Variants in NBAS observed in about 807,000 individuals in gnomAD.
The protein encoded by NBAS is NBAS subunit of NRZ tethering complex, also known as NAG/BC035112 fusion.
A neutral mutation model predicts 302.5 loss-of-function variants in NBAS; 219 were observed. That is an observed-to-expected ratio of 0.72 (90% confidence interval 0.65 to 0.81). The LOEUF (loss-of-function observed/expected upper bound fraction) is 0.81. NBAS is among the 30% of genes least tolerant of loss of function. The pLI, the probability that NBAS is intolerant of heterozygous loss-of-function variation, is 0.00. For synonymous variants in NBAS, 1,118 were observed against 1,021.6 expected, an observed-to-expected ratio of 1.09 and a Z score of -1.80; for missense variants, 2,932 against 2,841.6, an observed-to-expected ratio of 1.03 and a Z score of -0.72.
At chr2:14,866,730 A>T in the NBAS span, among the ~76,000 whole-genome samples, 1 of 152,230 alleles carries the variant, frequency 6.6e-6, no homozygotes, top group Non-Finnish European at 1.5e-5. Flanking sequence ...CATAAGAGAC[A>T]TCAGGATCTT....
At chr2:14,835,959 C>T in the NBAS span, among the ~76,000 whole-genome samples, 1 of 151,944 alleles carries the variant, frequency 6.6e-6, no homozygotes, top group Non-Finnish European at 1.5e-5. Context: ...GTTTCACAAC[C>T]TCACCAACAC....
the NBAS span, among the ~76,000 whole-genome samples, chr2:14,917,526 G>C: frequency 6.6e-6 from 1 of 152,196 alleles, no homozygotes; most frequent in Non-Finnish European, 1.5e-5. Context: ...CAAGTCAAAA[G>C]GAGCAACTTA....
At chr2:14,786,764 G>T in the NBAS span, among the ~76,000 whole-genome samples, 1 of 152,114 alleles carries the variant, frequency 6.6e-6, no homozygotes, top group Non-Finnish European at 1.5e-5. Flanking sequence ...TTTTGGAATA[G>T]ATGTGGTGTG....
At chr2:15,077,404 TACAGTTCA>T in the NBAS span, among the ~76,000 whole-genome samples, 2 of 152,216 alleles carry the variant, frequency 1.3e-5, no homozygotes, top group Non-Finnish European at 2.9e-5. Context: ...TCCACTCATA[TACAGTTCA>T]ACAGTTCAGT....
the NBAS span, among the ~76,000 whole-genome samples, chr2:15,117,302 AG>A: frequency 2.6e-5 from 4 of 152,236 alleles, no homozygotes; most frequent in Admixed American, 2.0e-4. Context: ...AAGCCATGGG[AG>A]TTCCTGGTCA....
rs1051549774 is a variant in NBAS at position 15,461,683 on chromosome 2, T to C, written c.2202+4A>G. 2 of 1,535,574 alleles carry C rather than the reference T, an allele frequency of 1.3e-6. No homozygotes were observed. The highest frequency in any genetic ancestry group is 1.7e-5 in the Admixed American group (1 of 59,526). ...AATTATTTTATTTACAAAAAGCAAA[T>C]TACCTGAGCATAAGTTCTTGCTGAG... On this transcript the variant is annotated splice_donor_region_variant and intron_variant, in intron 20 of 51. Coordinates refer to ENST00000281513, the MANE Select transcript of NBAS (RefSeq NM_015909.4).
At chr2:14,892,924 C>T in the NBAS span, among the ~76,000 whole-genome samples, 3 of 152,136 alleles carry the variant, frequency 2.0e-5, no homozygotes, top group Non-Finnish European at 2.9e-5. Context: ...GATTAGACCA[C>T]ATTTGCTTAA....
chr2:15,479,883 C>G (rs1366189654), intron 12 of NBAS, among the ~76,000 whole-genome samples: 1 of 152,204 alleles, frequency 6.6e-6, no homozygotes, highest in Non-Finnish European at 1.5e-5. Flanking sequence ...CAGTGCCCAC[C>G]TGTCATAGCA....
the NBAS span, among the ~76,000 whole-genome samples, chr2:14,998,627 C>T: frequency 6.6e-6 from 1 of 152,190 alleles, no homozygotes; most frequent in Non-Finnish European, 1.5e-5. Flanking sequence ...ATGTCCCATT[C>T]CCTTCCCTTC....
chr2:15,339,117 C>A (rs541068167), intron 35 of NBAS, among the ~76,000 whole-genome samples: 40 of 152,264 alleles, frequency 2.6e-4, no homozygotes, highest in African/African-American at 8.9e-4. Flanking sequence ...GATTATGAAA[C>A]CTACATTCTG....
At chr2:15,412,758 T>C (rs367575077) in intron 25 of NBAS, among the ~76,000 whole-genome samples, 1 of 152,114 alleles carries the variant, frequency 6.6e-6, no homozygotes. Context: ...CCCTGGCAAA[T>C]GGAGCTGGGG....
chr2:15,372,552 A>T (rs1206440089), intron 31 of NBAS, among the ~76,000 whole-genome samples: 1 of 152,244 alleles, frequency 6.6e-6, no homozygotes, highest in East Asian at 1.9e-4. Flanking sequence ...AATACAAAAG[A>T]AGCTAAAACC....
chr2:15,101,687 TC>T, the NBAS span, among the ~76,000 whole-genome samples: 1 of 152,304 alleles, frequency 6.6e-6, no homozygotes, highest in African/African-American at 2.4e-5. Context: ...AACATGGATT[TC>T]TTTATCCAAT....
chr2:15,010,586 T>C, the NBAS span, among the ~76,000 whole-genome samples: 5 of 152,174 alleles, frequency 3.3e-5, no homozygotes, highest in Admixed American at 2.6e-4. Context: ...AAACCACCTT[T>C]GAGCACTCAT....
chr2:14,969,890 C>T, the NBAS span, among the ~76,000 whole-genome samples: 3 of 152,208 alleles, frequency 2.0e-5, no homozygotes, highest in Non-Finnish European at 4.4e-5. Context: ...GCAACAGCTG[C>T]TGAGACTATA....
At chr2:15,240,628 A>G (rs921700694) in intron 44 of NBAS, among the ~76,000 whole-genome samples, 1 of 151,662 alleles carries the variant, frequency 6.6e-6, no homozygotes, top group Non-Finnish European at 1.5e-5. Flanking sequence ...AAAAACAAAC[A>G]AAAAAAATGC....
chr2:14,785,506 T>A, the NBAS span, among the ~76,000 whole-genome samples: 1 of 152,168 alleles, frequency 6.6e-6, no homozygotes, highest in Admixed American at 6.5e-5. Context: ...CAGTACTTAA[T>A]TTATTGAGAG....
chr2:14,957,156 C>A, the NBAS span, among the ~76,000 whole-genome samples: 1 of 152,052 alleles, frequency 6.6e-6, no homozygotes, highest in African/African-American at 2.4e-5. Context: ...AAGAACCAAC[C>A]CTGATGACAC....
chr2:15,070,094 T>C, the NBAS span, among the ~76,000 whole-genome samples: 1 of 152,230 alleles, frequency 6.6e-6, no homozygotes, highest in Non-Finnish European at 1.5e-5. Context: ...GACTGTCTCC[T>C]GACCTGCTGT....
Sources: gnomAD v4.1 joint callset for allele counts (sites outside exome capture counted in the v4.1 genomes callset) on GRCh38, gnomAD v4.1.1 for gene constraint, MANE v1.5 for transcripts, NCBI Gene and HGNC (gene_info 2026-07-23, HGNC 2026-07-21) for gene names.